SND1: variants seen among roughly 807,000 people sequenced by gnomAD.
SND1 encodes the protein staphylococcal nuclease domain-containing protein 1.
SND1 carries 38 observed loss-of-function variants against 121.7 expected under a neutral mutation model. The observed-to-expected ratio is 0.31, with a 90% CI of 0.24 to 0.41. The LOEUF (loss-of-function observed/expected upper bound fraction) is 0.41, where lower values mean the gene tolerates loss of function less well. Among genes scored for constraint, SND1 ranks in the 10% least tolerant of loss-of-function variants. The pLI, the probability that SND1 is intolerant of heterozygous loss-of-function variation, is 1.00. For missense variants in SND1, 868 were observed against 1,184.6 expected, an observed-to-expected ratio of 0.73 and a Z score of 3.92; for synonymous variants, 401 against 447.4, an observed-to-expected ratio of 0.90 and a Z score of 1.31.
In SND1 at chr7:127,703,338, G is replaced by C. The variant is rs755413827; in HGVS notation, c.840+15G>C. The C allele has an allele frequency of 6.2e-6, 10 of 1,613,266 alleles. No homozygotes were observed. The highest frequency in any genetic ancestry group is 8.5e-6 in the Non-Finnish European group (10 of 1,179,408). On this transcript the variant is annotated intron_variant, in intron 7 of 23. Coordinates refer to ENST00000354725, the MANE Select transcript of SND1 (RefSeq NM_014390.4). ...TCCTTCATCCAGTGAGTGTGTCTGT[G>C]CAGACTGGGTGGTGATGGGCTAGGG...
At chr7:127,712,337 T>G (rs946242485) in intron 9 of SND1, among the ~76,000 whole-genome samples, 1 of 152,118 alleles carries the variant, frequency 6.6e-6, no homozygotes, top group African/African-American at 2.4e-5. Context: ...TTTTAAATTT[T>G]TTGTAGAGAT....
chr7:127,698,659 T>TGAG (rs1430918532), intron 3 of SND1, among the ~76,000 whole-genome samples: 1 of 152,186 alleles, frequency 6.6e-6, no homozygotes, highest in African/African-American at 2.4e-5. Flanking sequence ...AACAAAGTCC[T>TGAG]GAGAAGAAGA....
chr7:127,766,771 CAAAAAAAAAAAAAAAA>C (rs59243807), intron 10 of SND1, among the ~76,000 whole-genome samples: 14 of 33,204 alleles, frequency 4.2e-4, no homozygotes, highest in East Asian at 2.5e-3. Flanking sequence ...GACTTTGTCT[CAAAAAAAAAAAAAAAA>C]AAAAAAAAAA....
intron 16 of SND1, among the ~76,000 whole-genome samples, chr7:128,066,963 T>C (rs1034042791): frequency 6.6e-6 from 1 of 152,122 alleles, no homozygotes; most frequent in Admixed American, 6.5e-5. Flanking sequence ...ATTATTCAGT[T>C]CCCGTCTCTC....
chr7:128,081,489 G>A lies in SND1; in HGVS notation c.2098G>A (p.Asp700Asn). 2 of 1,613,970 alleles carry A rather than the reference G, an allele frequency of 1.2e-6. No homozygotes were observed. The highest frequency in any genetic ancestry group is 1.7e-6 in the Non-Finnish European group (2 of 1,179,984). The change falls in exon 18 of 24, where the codon GAT becomes AAT. Residue 700 changes from aspartate to asparagine, a missense_variant. Transcript: ENST00000354725. The stretch of plus-strand genomic sequence containing the variant: ...TGATGACCTGCACTTCTACGTGCAG[G>A]ATGTGGAGACCGGTGAGTGCTCAGG... ...ITDDLHFYVQDVETGTQLEKL... is the reference protein window; with the variant it reads ...ITDDLHFYVQNVETGTQLEKL...
intron 10 of SND1, among the ~76,000 whole-genome samples, chr7:127,764,327 C>T (rs1332690334): frequency 1.3e-5 from 2 of 152,246 alleles, no homozygotes; most frequent in Non-Finnish European, 2.9e-5. Flanking sequence ...TGTACTTCCA[C>T]TTCCACATCT....
At chr7:127,662,038 C>T (rs1795321740) in intron 1 of SND1, among the ~76,000 whole-genome samples, 1 of 152,054 alleles carries the variant, frequency 6.6e-6, no homozygotes, top group Admixed American at 6.5e-5. Context: ...ATCTCTTGAA[C>T]CTGGGAGGTG....
At chr7:127,925,914 CTT>C (rs945882709) in intron 14 of SND1, among the ~76,000 whole-genome samples, 1 of 145,098 alleles carries the variant, frequency 6.9e-6, no homozygotes, top group Admixed American at 6.9e-5. Flanking sequence ...TTTCTTTTTT[CTT>C]TTTTTTTTTA....
chr7:127,920,795 G>A (rs894084970), intron 14 of SND1, among the ~76,000 whole-genome samples: 4 of 141,112 alleles, frequency 2.8e-5, no homozygotes, highest in African/African-American at 1.0e-4. Flanking sequence ...TCTTATTTCC[G>A]CCCTTTTTAC....
At chr7:128,030,737 C>T in intron 16 of SND1, 1 of 1,428,530 alleles carries the variant, frequency 7.0e-7, no homozygotes, top group Non-Finnish European at 9.4e-7. Context: ...GCTCCTCTTT[C>T]CATCTGGAGA....
intron 10 of SND1, among the ~76,000 whole-genome samples, chr7:127,747,460 A>T (rs1262472917): frequency 4.6e-5 from 7 of 152,332 alleles, no homozygotes; most frequent in Middle Eastern, 3.4e-3. Flanking sequence ...TTGGGTATTG[A>T]AGGACCTTTC....
chr7:128,034,913 G>A (rs1235057831), intron 16 of SND1, among the ~76,000 whole-genome samples: 2 of 152,206 alleles, frequency 1.3e-5, no homozygotes, highest in African/African-American at 2.4e-5. Context: ...CTCACAGCCC[G>A]TGGCTCTGAC....
chr7:127,765,355 C>T (rs1797392528), intron 10 of SND1, among the ~76,000 whole-genome samples: 1 of 152,166 alleles, frequency 6.6e-6, no homozygotes, highest in African/African-American at 2.4e-5. Flanking sequence ...AATACAGATC[C>T]TCATGCAAGT....
intron 10 of SND1, among the ~76,000 whole-genome samples, chr7:127,770,727 A>T (rs954186791): frequency 6.6e-6 from 1 of 152,198 alleles, no homozygotes; most frequent in Non-Finnish European, 1.5e-5. Flanking sequence ...TTCAATTAAA[A>T]AAAAAAGTGG....
At chr7:128,055,781 T>TG (rs1454112148) in intron 16 of SND1, among the ~76,000 whole-genome samples, 3 of 152,204 alleles carry the variant, frequency 2.0e-5, no homozygotes, top group Admixed American at 2.0e-4. Flanking sequence ...GGAAGACAGA[T>TG]GCCTCTCCCT....
intron 12 of SND1, among the ~76,000 whole-genome samples, chr7:127,860,720 G>A (rs967332406): frequency 6.6e-6 from 1 of 152,182 alleles, no homozygotes; most frequent in Non-Finnish European, 1.5e-5. Flanking sequence ...GGCAGTAAAA[G>A]GTGTTAATCT....
chr7:127,830,188 G>C (rs1370546528), intron 11 of SND1, among the ~76,000 whole-genome samples: 1 of 152,158 alleles, frequency 6.6e-6, no homozygotes, highest in African/African-American at 2.4e-5. Flanking sequence ...TTAGAGACCA[G>C]CCTGACCAAC....
chr7:127,816,548 A>AT (rs1798444677), intron 11 of SND1, among the ~76,000 whole-genome samples: 1 of 151,232 alleles, frequency 6.6e-6, no homozygotes, highest in East Asian at 1.9e-4. Context: ...TGGTGTGCTT[A>AT]TTTTCTTTAG....
chr7:127,785,643 T>C (rs531536719), intron 10 of SND1, among the ~76,000 whole-genome samples: 2 of 152,238 alleles, frequency 1.3e-5, no homozygotes, highest in Non-Finnish European at 2.9e-5. Flanking sequence ...TCTTAGTGTT[T>C]ATTTGCAAAA....
Sources: gnomAD v4.1 joint callset for allele counts (sites outside exome capture counted in the v4.1 genomes callset) on GRCh38, gnomAD v4.1.1 for gene constraint, MANE v1.5 for transcripts, NCBI Gene and HGNC (gene_info 2026-07-23, HGNC 2026-07-21) for gene names.